Variants in TRAPPC9 observed in about 807,000 individuals in gnomAD.
The protein encoded by TRAPPC9 is IKK2 binding protein.
In TRAPPC9, 83 loss-of-function variants were observed where a neutral mutation model predicts 124.0. The ratio of observed to expected loss-of-function variants is 0.67; its 90% CI spans 0.56 to 0.80. The LOEUF is 0.80. TRAPPC9 is among the 30% of genes least tolerant of loss of function. The pLI, the probability that TRAPPC9 is intolerant of heterozygous loss-of-function variation, is 0.00. For synonymous variants in TRAPPC9, 638 were observed against 617.5 expected, an observed-to-expected ratio of 1.03 and a Z score of -0.49; for missense variants, 1,302 against 1,508.3, an observed-to-expected ratio of 0.86 and a Z score of 2.27.
intron 17 of TRAPPC9, among the ~76,000 whole-genome samples, chr8:140,168,184 T>C (rs1341840831): frequency 6.6e-6 from 1 of 152,224 alleles, no homozygotes; most frequent in Non-Finnish European, 1.5e-5. Flanking sequence ...CTTTGTCATT[T>C]TGTCATCACG....
intron 17 of TRAPPC9, among the ~76,000 whole-genome samples, chr8:140,171,901 G>C (rs988137813): frequency 6.6e-6 from 1 of 152,196 alleles, no homozygotes; most frequent in Admixed American, 6.5e-5. Context: ...GTCACCATTC[G>C]GAACATAAGG....
chr8:139,814,713 G>GAAAGGAAAGGAAAGGAA (rs551812992), intron 21 of TRAPPC9, among the ~76,000 whole-genome samples: 1 of 150,484 alleles, frequency 6.6e-6, no homozygotes, highest in African/African-American at 2.5e-5. Context: ...CTCAAAAAAA[G>GAAAGGAAAGGAAAGGAA]AAAGGAAAGG....
chr8:139,813,881 G>A (rs552461173), intron 21 of TRAPPC9, among the ~76,000 whole-genome samples: 18 of 150,564 alleles, frequency 1.2e-4, no homozygotes, highest in East Asian at 3.9e-4. Flanking sequence ...TGACGGTGCC[G>A]GGGCAGAGGT....
chr8:140,292,953 C>T (rs1292427889), intron 11 of TRAPPC9, among the ~76,000 whole-genome samples: 7 of 141,696 alleles, frequency 4.9e-5, no homozygotes, highest in African/African-American at 1.4e-4. Flanking sequence ...AGAAAATTTT[C>T]GCAACCTACT....
Position 140,011,272 on chromosome 8 carries a change from G to A in TRAPPC9, c.2699+12665C>T, listed in dbSNP as rs545243709. On this transcript the variant is annotated intron_variant, in intron 18 of 22. Coordinates refer to ENST00000438773, the MANE Select transcript of TRAPPC9 (RefSeq NM_001160372.4). Reference sequence around the variant, plus strand: ...CAGGAGAATCACTTGAACCCAGGAGGCAGAGGTTGCAGTGAGCCAAGATTG... The same window carrying A: ...CAGGAGAATCACTTGAACCCAGGAGACAGAGGTTGCAGTGAGCCAAGATTG... Among the ~76,000 whole-genome samples, 4 of 151,958 alleles carry A rather than the reference G, an allele frequency of 2.6e-5. No homozygotes were observed. In the South Asian group the frequency reaches 8.3e-4, roughly 32 times the overall value.
At chr8:139,957,880 C>T (rs193267169) in intron 19 of TRAPPC9, among the ~76,000 whole-genome samples, 7 of 152,344 alleles carry the variant, frequency 4.6e-5, no homozygotes, top group South Asian at 2.1e-4. Context: ...CCAAAGGCCC[C>T]GTGTTCTAAT....
chr8:139,760,284 CT>C (rs1563793300), intron 21 of TRAPPC9, among the ~76,000 whole-genome samples: 2 of 152,090 alleles, frequency 1.3e-5, no homozygotes, highest in Admixed American at 1.3e-4. Flanking sequence ...GCAATGGGGG[CT>C]TTCCCCCCAT....
rs1831423125 is a variant in TRAPPC9 at position 139,907,319 on chromosome 8, T to C, written c.2964+2828A>G. Among the ~76,000 whole-genome samples the C allele has an allele frequency of 6.6e-6, 1 of 152,152 alleles. No homozygotes were observed. The highest frequency in any genetic ancestry group is 2.4e-5 in the African/African-American group (1 of 41,432). ...GCTACAGGTGGGCAACTGCTACAAC[T>C]ATGGACGGGTATCAAATTAAGCTCA... is the stretch of plus-strand genomic sequence containing the variant. On this transcript the variant is annotated intron_variant, in intron 20 of 22. Coordinates refer to ENST00000438773, the MANE Select transcript of TRAPPC9 (RefSeq NM_001160372.4). The surrounding 1 kb of genome is among the most constrained non-coding windows in gnomAD (Gnocchi z 4.7).
intron 19 of TRAPPC9, among the ~76,000 whole-genome samples, chr8:139,966,289 G>A (rs910227665): frequency 6.6e-6 from 1 of 152,224 alleles, no homozygotes; most frequent in African/African-American, 2.4e-5. Context: ...CCGGCACACG[G>A]AGTGGTGGGA....
At chr8:140,122,081 C>G (rs531153487) in intron 17 of TRAPPC9, among the ~76,000 whole-genome samples, 90 of 151,982 alleles carry the variant, frequency 5.9e-4, no homozygotes, top group South Asian at 4.4e-3. Flanking sequence ...CCCTCCTACA[C>G]TGTCTTTGAG....
chr8:139,814,531 G>C (rs1360000367), intron 21 of TRAPPC9, among the ~76,000 whole-genome samples: 2 of 152,056 alleles, frequency 1.3e-5, no homozygotes, highest in East Asian at 1.9e-4. Flanking sequence ...GGCTCCTCTG[G>C]GCCCAGTTTT....
At chr8:140,034,960 A>G (rs1324740204) in intron 17 of TRAPPC9, among the ~76,000 whole-genome samples, 1 of 152,252 alleles carries the variant, frequency 6.6e-6, no homozygotes, top group Non-Finnish European at 1.5e-5. Flanking sequence ...AAGGAAGGCC[A>G]GTTTCACAGC....
At chr8:140,192,127 T>C (rs1353566139) in intron 17 of TRAPPC9, among the ~76,000 whole-genome samples, 2 of 152,216 alleles carry the variant, frequency 1.3e-5, no homozygotes, top group Non-Finnish European at 2.9e-5. Flanking sequence ...ATCAGCTGTG[T>C]TCATTTCTAA....
intron 18 of TRAPPC9, among the ~76,000 whole-genome samples, chr8:140,022,467 G>A (rs113972754): frequency 0.032 from 4,903 of 152,206 alleles, 81 homozygotes; most frequent in South Asian, 0.07. Context: ...ACCACATAGC[G>A]GCATTTTTCT....
chr8:140,287,651 C>T lies in TRAPPC9; in HGVS notation c.1938G>A (p.Thr646=), dbSNP rs768606436. 8.7e-6 allele frequency: 14 copies of T among 1,614,054 alleles called. No individual in the cohort carries two copies. Among genetic ancestry groups the T allele is most frequent in the East Asian group, 2.2e-5 (1 of 44,892 alleles). Residue 646 remains threonine, a synonymous_variant, in exon 13 of 23, where the codon ACG becomes ACA. Transcript: ENST00000438773. ...LPAESGLYPV[T]LVGVPQTTGT... ...CAGTCGTCTGCGGGACCCCGACGAGCGTCACTGGGTACAGACCAGATTCAG... is the reference window on the plus strand; with the variant it reads ...CAGTCGTCTGCGGGACCCCGACGAGTGTCACTGGGTACAGACCAGATTCAG...
intron 9 of TRAPPC9, among the ~76,000 whole-genome samples, chr8:140,355,883 C>T (rs1378477944): frequency 2.0e-5 from 3 of 152,164 alleles, no homozygotes; most frequent in African/African-American, 7.2e-5. Flanking sequence ...TCTAATTACT[C>T]AAAAATATAG....
chr8:140,276,271 T>A (rs1479559227), intron 14 of TRAPPC9, among the ~76,000 whole-genome samples: 1 of 152,158 alleles, frequency 6.6e-6, no homozygotes, highest in Non-Finnish European at 1.5e-5. Flanking sequence ...TTCCAGCTGC[T>A]AACATAGAGC....
chr8:140,415,865 G>A (rs916875040), intron 5 of TRAPPC9, among the ~76,000 whole-genome samples: 3 of 152,018 alleles, frequency 2.0e-5, no homozygotes, highest in East Asian at 1.9e-4. Context: ...CTCAGAGGCC[G>A]AAGCTGAAGG....
At chr8:140,045,882 C>T (rs529917963) in intron 17 of TRAPPC9, among the ~76,000 whole-genome samples, 45 of 152,048 alleles carry the variant, frequency 3.0e-4, no homozygotes, top group African/African-American at 1.1e-3. Context: ...CTAAGAAAAA[C>T]GAAAAGCAGT....
Sources: gnomAD v4.1 joint callset for allele counts (sites outside exome capture counted in the v4.1 genomes callset) on GRCh38, gnomAD v4.1.1 for gene constraint, Gnocchi (gnomAD v3.1) non-coding constraint, MANE v1.5 for transcripts, NCBI Gene and HGNC (gene_info 2026-07-23, HGNC 2026-07-21) for gene names.